The following TMEM81 variants were observed in gnomAD, a reference collection of about 807,000 sequenced individuals.
TMEM81 encodes the protein transmembrane protein 81.
For synonymous variants in TMEM81, 132 were observed against 119.1 expected, an observed-to-expected ratio of 1.11 and a Z score of -0.71; for missense variants, 294 against 300.5, an observed-to-expected ratio of 0.98 and a Z score of 0.16.
In TMEM81 at chr1:205,083,611, AC is replaced by A. The variant is rs756284277; in HGVS notation, c.709del (p.Val237LeufsTer6). ...GACAATCCTCACCAACACGCCACCA[AC>A]CACTCCAATGGCAATTCCTATTCCC... ...ALGIGIAIGV[V>X]GGVLVRIVLC... On this transcript the variant is annotated frameshift_variant, in exon 1 of 1. Transcript: ENST00000367167. LOFTEE classifies it low-confidence loss of function (END_TRUNC). The A allele has an allele frequency of 1.2e-6, 2 of 1,614,114 alleles. No homozygotes were observed. The highest frequency in any genetic ancestry group is 2.2e-5 in the South Asian group (2 of 91,078).
chr1:205,083,739 A>G lies in TMEM81; in HGVS notation c.582T>C (p.Leu194=). Residue 194 remains leucine (L), a synonymous_variant, in exon 1 of 1, where the codon CTT becomes CTC. Transcript: ENST00000367167. ...NLVNLNFHQS[L]TEDQKLIDEG... ...CATCTATTAACTTCTGATCCTCAGT[A>G]AGTGACTGATGGAAATTCAGATTCA... is the stretch of plus-strand genomic sequence containing the variant. The G allele has an allele frequency of 6.2e-7, 1 of 1,614,238 alleles. No individual in the cohort carries two copies. The highest frequency in any genetic ancestry group is 8.5e-7 in the Non-Finnish European group (1 of 1,180,036).
At position 205,084,448 on chromosome 1, in the gene TMEM81, T is replaced by C. The variant is rs923683369; in HGVS notation, c.-128A>G. 4.1e-6 allele frequency: 4 copies of C among 976,552 alleles called. No homozygotes were observed. Among genetic ancestry groups the C allele is most frequent in the Non-Finnish European group, 6.1e-6 (4 of 660,874 alleles). 60.5% of individuals were successfully genotyped at this position (976,552 alleles called of 1,614,324 possible). ...AAAGTCAAAAGATATGATGCATGTA[T>C]TGTCAATAAAACAACACAACTTAAT... On this transcript the variant is annotated 5_prime_UTR_variant, in exon 1 of 1. Coordinates refer to ENST00000367167, the MANE Select transcript of TMEM81 (RefSeq NM_203376.2).
In TMEM81 at chr1:205,083,627, T is replaced by G. The variant is rs766999673; in HGVS notation, c.694A>C (p.Ile232Leu). 6.2e-7 allele frequency: 1 copy of G among 1,614,206 alleles called. No homozygotes were observed. The highest frequency in any genetic ancestry group is 8.5e-7 in the Non-Finnish European group (1 of 1,180,036). ...ACGCCACCAACCACTCCAATGGCAA[T>G]TCCTATTCCCAAGGCTGACGCCACC... The part of the protein sequence containing the change: ...KKVASALGIG[I>L]AIGVVGGVLV... The change falls in exon 1 of 1, where the codon ATT becomes CTT. Residue 232 changes from isoleucine (I) to leucine (L), a missense_variant. By Grantham distance (5) the Ile-to-Leu change is conservative. Transcript: ENST00000367167.
chr1:205,084,402 C>T lies in TMEM81; in HGVS notation c.-82G>A. The T allele has an allele frequency of 7.1e-7, 1 of 1,413,662 alleles. No homozygotes were observed. The highest frequency in any genetic ancestry group is 1.4e-5 in the South Asian group (1 of 72,716). The allele number at this position is 1,413,662 out of a possible 1,614,324, so 87.6% of individuals were successfully genotyped here. ...TCCTCTATAAATCATAACTTGATTC[C>T]TTTGACATGAGATATCCTTCAAAGT... On this transcript the variant is annotated 5_prime_UTR_variant, in exon 1 of 1. Transcript: ENST00000367167.
At position 205,083,953 on chromosome 1, in the gene TMEM81, A is replaced by G. The variant is rs1655069178; in HGVS notation, c.368T>C (p.Leu123Pro). ...GTCAGTGGAGATGACACCTCGAGCA[A>G]GTCTCCAGGTGAACCGGAAAGCTTC... ...GQEAFRFTWR[L>P]ARGVISTDDE... The change falls in exon 1 of 1, where the codon CTT (leucine) becomes CCT (proline). Residue 123 changes from leucine (L) to proline (P), a missense_variant. Coordinates refer to ENST00000367167, the MANE Select transcript of TMEM81 (RefSeq NM_203376.2). The G allele has an allele frequency of 6.8e-6, 11 of 1,614,110 alleles. No individual in the cohort carries two copies. The highest frequency in any genetic ancestry group is 9.3e-6 in the Non-Finnish European group (11 of 1,180,048).
rs1448888042 is a variant in TMEM81, at chr1:205,083,148, T to C, written c.*405A>G. 1 of 165,604 alleles carries C rather than the reference T, an allele frequency of 6.0e-6. No individual in the cohort carries two copies. Among genetic ancestry groups the C allele is most frequent in the Non-Finnish European group, 1.3e-5 (1 of 77,618 alleles). 10.3% of individuals were successfully genotyped at this position (165,604 alleles called of 1,614,324 possible). A position where few individuals can be genotyped will look rare whatever the true frequency, so the allele number is the denominator to read the frequency against. On this transcript the variant is annotated 3_prime_UTR_variant, in exon 1 of 1. Transcript: ENST00000367167. ...TACAGCTACTGTGAATTACTTTTAT[T>C]GAAAAAAAATGTTCACTAAAAAGGC...
At position 205,083,384 on chromosome 1, in the gene TMEM81, A is replaced by C. The variant is rs1488454735; in HGVS notation, c.*169T>G. ...ATAAGGAAGTTAGGTTACTGCGCAT[A>C]GCTCCCAGGAGATTGTCCCCTCCAT... On this transcript the variant is annotated 3_prime_UTR_variant, in exon 1 of 1. Transcript: ENST00000367167. The C allele has an allele frequency of 4.2e-6, 3 of 714,538 alleles. No individual in the cohort carries two copies. The African/African-American group carries it at 5.3e-5, about 13-fold the overall frequency. The allele number at this position is 714,538 out of a possible 1,614,324, so 44.3% of individuals were successfully genotyped here. A position where few individuals can be genotyped will look rare whatever the true frequency, so the allele number is the denominator to read the frequency against.
In TMEM81 at chr1:205,083,496, C is replaced by T. The variant is rs1655058639; in HGVS notation, c.*57G>A. On this transcript the variant is annotated 3_prime_UTR_variant, in exon 1 of 1. Coordinates refer to ENST00000367167, the MANE Select transcript of TMEM81 (RefSeq NM_203376.2). ...CTGGAACACTCCCCTAAAAAGCTAG[C>T]TTGGCTTCCTGGGCAGCCAGTTCTT... 3 of 1,536,978 alleles carry T rather than the reference C, an allele frequency of 2.0e-6. No individual in the cohort carries two copies. Among genetic ancestry groups the T allele is most frequent in the Non-Finnish European group, 2.6e-6 (3 of 1,141,742 alleles).
chr1:205,084,183 G>A lies in TMEM81; in HGVS notation c.138C>T (p.Ala46=). The A allele has an allele frequency of 3.1e-6, 5 of 1,614,186 alleles. No homozygotes were observed. Among genetic ancestry groups the A allele is most frequent in the Non-Finnish European group, 4.2e-6 (5 of 1,180,042 alleles). ...QEAVGKVIIN[A]TTCTVTCGLG... ...GGCCACAGGTGACAGTACAGGTTGT[G>A]GCATTGATGATAACTTTCCCCACAG... Residue 46 remains alanine, a synonymous_variant, in exon 1 of 1, where the codon GCC becomes GCT. Transcript: ENST00000367167.
At position 205,084,095 on chromosome 1, in the gene TMEM81, T is replaced by C; in HGVS notation, c.226A>G (p.Thr76Ala). ...TTGGTCAGACATTCTAAGCGCCGAG[T>C]CTGACATTTCCTTCTCACTCCATCA... ...GPDGVRRKCQ[T>A]RRLECLTNWI... Residue 76 changes from threonine (T) to alanine (A), a missense_variant, in exon 1 of 1, where the codon ACT becomes GCT. By Grantham distance (58) the Thr-to-Ala change is moderately conservative. Transcript: ENST00000367167. The C allele has an allele frequency of 6.2e-7, 1 of 1,614,064 alleles. No homozygotes were observed. The highest frequency in any genetic ancestry group is 1.1e-5 in the South Asian group (1 of 91,070).
chr1:205,083,491 G>A lies in TMEM81; in HGVS notation c.*62C>T. 1 of 1,531,742 alleles carries A rather than the reference G, an allele frequency of 6.5e-7. No homozygotes were observed. The highest frequency in any genetic ancestry group is 8.8e-7 in the Non-Finnish European group (1 of 1,139,004). 94.9% of individuals were successfully genotyped at this position (1,531,742 alleles called of 1,614,324 possible). On this transcript the variant is annotated 3_prime_UTR_variant, in exon 1 of 1. Transcript: ENST00000367167. Reference sequence around the variant, plus strand: ...AGCAGCTGGAACACTCCCCTAAAAAGCTAGCTTGGCTTCCTGGGCAGCCAG... The same window carrying A: ...AGCAGCTGGAACACTCCCCTAAAAAACTAGCTTGGCTTCCTGGGCAGCCAG...
rs372233302 is a variant in TMEM81 at position 205,084,355 on chromosome 1, C to T, written c.-35G>A. 6 of 1,585,446 alleles carry T rather than the reference C, an allele frequency of 3.8e-6. No homozygotes were observed. The highest frequency in any genetic ancestry group is 2.7e-5 in the African/African-American group (2 of 73,744). ...GGCGTTTTGCCACCCTCAGCCAGCA[C>T]CCACAAGGTATTCCAGCTGAATCCT... On this transcript the variant is annotated 5_prime_UTR_variant, in exon 1 of 1. It adds an upstream start codon to the 5' untranslated region. Transcript: ENST00000367167.
At position 205,083,647 on chromosome 1, in the gene TMEM81, G is replaced by A. The variant is rs74849110; in HGVS notation, c.674C>T (p.Ala225Val). The A allele has an allele frequency of 1.3e-3, 2,022 of 1,614,164 alleles. 9 individuals carry two copies. Among genetic ancestry groups the A allele is most frequent in the Middle Eastern group, 0.01 (61 of 6,062 alleles). Residue 225 changes from alanine (A) to valine (V), a missense_variant, in exon 1 of 1, where the codon GCG (alanine) becomes GTG (valine). Transcript: ENST00000367167. ...GGCAATTCCTATTCCCAAGGCTGAC[G>A]CCACCTTCTTTTTCCACTTTGGGTG... is the stretch of plus-strand genomic sequence containing the variant. ...PHHPKWKKKV[A>V]SALGIGIAIG...
chr1:205,083,240 G>A lies in TMEM81; in HGVS notation c.*313C>T. 1 of 321,158 alleles carries A rather than the reference G, an allele frequency of 3.1e-6. No homozygotes were observed. Among genetic ancestry groups the A allele is most frequent in the East Asian group, 5.5e-5 (1 of 18,028 alleles). The allele number at this position is 321,158 out of a possible 1,614,324, so 19.9% of individuals were successfully genotyped here. A position where few individuals can be genotyped will look rare whatever the true frequency, so the allele number is the denominator to read the frequency against. On this transcript the variant is annotated 3_prime_UTR_variant, in exon 1 of 1. Transcript: ENST00000367167. ...GAAATGGAGGTGGGGAGGCATCCAA[G>A]TCATAAAGGGTAGAAAATGAATGCA...
Position 205,084,247 on chromosome 1 carries a change from G to T in TMEM81, c.74C>A (p.Thr25Lys), listed in dbSNP as rs781674615. 3.7e-6 allele frequency: 6 copies of T among 1,613,952 alleles called. No homozygotes were observed. The Admixed American group carries it at 1.0e-4, about 27-fold the overall frequency. The change falls in exon 1 of 1, where the codon ACA becomes AAA. Residue 25 changes from threonine (T) to lysine (K), a missense_variant. Transcript: ENST00000367167. ...LAFYLPLVVT[T>K]PKTLAIPEKL... ...CTCAGGGATGGCCAGTGTTTTAGGT[G>T]TAGTCACCACCAAAGGCAGGTAGAA...
In TMEM81 at chr1:205,083,803, C is replaced by T. The variant is rs1655065210; in HGVS notation, c.518G>A (p.Arg173Lys). ...AAGGACCCTCAACCCAAAATAGAGC[C>T]TCTTGACGAGTCTCAAGTTTTTTAC... ...QLVKNLRLVK[R>K]LYFGLRVLPP... Residue 173 changes from arginine to lysine, a missense_variant, in exon 1 of 1, where the codon AGG (arginine) becomes AAG (lysine). Physicochemically the swap from Arg to Lys is conservative, Grantham distance 26. Transcript: ENST00000367167. 3 of 1,614,200 alleles carry T rather than the reference C, an allele frequency of 1.9e-6. No homozygotes were observed. Among genetic ancestry groups the T allele is most frequent in the African/African-American group, 1.3e-5 (1 of 75,046 alleles).
rs771367727 is a variant in TMEM81 at position 205,083,990 on chromosome 1, C to T, written c.331G>A (p.Glu111Lys). The stretch of plus-strand genomic sequence containing the variant: ...AACCGGAAAGCTTCCTGTCCAAACT[C>T]CAAGATGTCTGAACTCAGACAGCTA... Reference protein sequence around the residue: ...ELSCLSSDILEFGQEAFRFTW... With the variant: ...ELSCLSSDILKFGQEAFRFTW... Residue 111 changes from glutamate to lysine, a missense_variant, in exon 1 of 1, where the codon GAG becomes AAG. Physicochemically the swap from Glu to Lys is moderately conservative, Grantham distance 56 (BLOSUM62 1). Transcript: ENST00000367167. 39 of 1,614,064 alleles carry T rather than the reference C, an allele frequency of 2.4e-5. No individual in the cohort carries two copies. Among genetic ancestry groups the T allele is most frequent in the Non-Finnish European group, 3.2e-5 (38 of 1,180,048 alleles).
In TMEM81 at chr1:205,084,380, T is replaced by C. The variant is rs572128618; in HGVS notation, c.-60A>G. 1.2e-5 allele frequency: 19 copies of C among 1,521,096 alleles called. 1 individual carries two copies. In the African/African-American group the frequency reaches 2.2e-4, roughly 18 times the overall value. 94.2% of individuals were successfully genotyped at this position (1,521,096 alleles called of 1,614,324 possible). ...CCCACAAGGTATTCCAGCTGAATCC[T>C]CTATAAATCATAACTTGATTCCTTT... On this transcript the variant is annotated 5_prime_UTR_variant, in exon 1 of 1. Transcript: ENST00000367167.
rs748523982 is a variant in TMEM81 at position 205,083,918 on chromosome 1, A to G, written c.403T>C (p.Phe135Leu). The change falls in exon 1 of 1, where the codon TTC becomes CTC. Residue 135 changes from phenylalanine to leucine, a missense_variant. By Grantham distance (22) the Phe-to-Leu change is conservative. Coordinates refer to ENST00000367167, the MANE Select transcript of TMEM81 (RefSeq NM_203376.2). ...RGVISTDDEV[F>L]KPFQANSHFV... Reference sequence around the variant, plus strand: ...TGGGAGTTGGCTTGAAAGGGTTTGAAGACCTCATCGTCAGTGGAGATGACA... The same window carrying G: ...TGGGAGTTGGCTTGAAAGGGTTTGAGGACCTCATCGTCAGTGGAGATGACA... 2 of 1,614,212 alleles carry G rather than the reference A, an allele frequency of 1.2e-6. No individual in the cohort carries two copies. Among genetic ancestry groups the G allele is most frequent in the Non-Finnish European group, 1.7e-6 (2 of 1,180,044 alleles).
Sources: gnomAD v4.1 joint callset for allele counts on GRCh38, gnomAD v4.1.1 for gene constraint, MANE v1.5 for transcripts, NCBI Gene and HGNC (gene_info 2026-07-23, HGNC 2026-07-21) for gene names.